RINT1: variants seen among roughly 807,000 people sequenced by gnomAD.
RINT1 encodes RAD50 interactor 1.
In RINT1, 75 loss-of-function variants were observed where a neutral mutation model predicts 97.7. The ratio of observed to expected loss-of-function variants is 0.77; its 90% CI spans 0.64 to 0.93. RINT1 has a LOEUF of 0.93. Among genes scored for constraint, RINT1 ranks in the 40% least tolerant of loss-of-function variants. RINT1 has a pLI of 0.00. For missense variants in RINT1, 892 were observed against 925.2 expected (o/e 0.96, Z 0.47); for synonymous variants, 303 against 326.3 (o/e 0.93, Z 0.77).
chr7:105,550,561 T>C, intron 9 of RINT1, 75 bp downstream of exon 9: 1 of 1,119,288 alleles, frequency 8.9e-7, no homozygotes, highest in Non-Finnish European at 1.3e-6. Flanking sequence ...ATTTTTCTTC[T>C]CCAGTTCTAA....
In RINT1 at chr7:105,565,562, A is replaced by T; in HGVS notation, c.2100A>T (p.Gly700=). 6.2e-7 allele frequency: 1 copy of T among 1,613,848 alleles called. No individual in the cohort carries two copies. Among genetic ancestry groups the T allele is most frequent in the Middle Eastern group, 1.7e-4 (1 of 6,048 alleles). Reference sequence around the variant, plus strand: ...TTGCTAATCACTTCAATGAAGGAGGAGCAGCCCAGCTGCAGTTTGATATGA... The same window carrying T: ...TTGCTAATCACTTCAATGAAGGAGGTGCAGCCCAGCTGCAGTTTGATATGA... ...IILANHFNEG[G]AAQLQFDMTR... The change falls in exon 14 of 15, where the codon GGA becomes GGT. Residue 700 remains glycine (G), a synonymous_variant. Transcript: ENST00000257700.
chr7:105,558,480 A>G (rs1252716072), intron 11 of RINT1, among the ~76,000 whole-genome samples: 2 of 152,146 alleles, frequency 1.3e-5, no homozygotes, highest in East Asian at 1.9e-4. Flanking sequence ...TTTTTCTTCA[A>G]TGAAATTATT....
intron 3 of RINT1, 191 bp from the exon 4 acceptor site, chr7:105,542,217 C>T (rs1382705041): frequency 1.8e-6 from 1 of 559,834 alleles, no homozygotes; most frequent in Non-Finnish European, 3.1e-6. Flanking sequence ...TATGTGTAGT[C>T]CCAACTACTG....
At chr7:105,543,033 C>T (rs1053604005) in intron 4 of RINT1, among the ~76,000 whole-genome samples, 2 of 151,788 alleles carry the variant, frequency 1.3e-5, no homozygotes, top group African/African-American at 4.8e-5. Flanking sequence ...TACAGGCGCC[C>T]GCCACCATGC....
At chr7:105,541,223 A>G (rs538375900) in intron 3 of RINT1, among the ~76,000 whole-genome samples, 4 of 150,566 alleles carry the variant, frequency 2.7e-5, no homozygotes, top group East Asian at 2.0e-4. Context: ...GCTCACTGCA[A>G]CCTCCTCCCG....
chr7:105,554,990 A>C, intron 10 of RINT1, 38 bp from the exon 11 acceptor site: 2 of 1,541,122 alleles, frequency 1.3e-6, no homozygotes, highest in Non-Finnish European at 1.8e-6. Flanking sequence ...CATAGATGGT[A>C]CCAAAACCTT....
Position 105,536,609 on chromosome 7 carries a change from G to C in RINT1, c.133G>C (p.Glu45Gln), listed in dbSNP as rs1382184435. ...TVLIGSKQVS[E>Q]GTDNGDLPSY... ...TCTTATTGGAAGTAAACAAGTCAGT[G>C]AAGGTACAGATAATGGTGATCTCCC... The change falls in exon 3 of 15, where the codon GAA (glutamate) becomes CAA (glutamine). Residue 45 changes from glutamate to glutamine, a missense_variant. Glu to Gln is a conservative substitution (Grantham distance 29). Coordinates refer to ENST00000257700, the MANE Select transcript of RINT1 (RefSeq NM_021930.6). The C allele has an allele frequency of 6.2e-7, 1 of 1,607,658 alleles. No individual in the cohort carries two copies. The highest frequency in any genetic ancestry group is 1.3e-5 in the African/African-American group (1 of 74,788).
intron 11 of RINT1, among the ~76,000 whole-genome samples, chr7:105,559,769 A>C (rs1053634471): frequency 2.6e-5 from 4 of 152,184 alleles, no homozygotes; most frequent in Non-Finnish European, 4.4e-5. Context: ...TCTTAACCTC[A>C]AACATTCTTT....
rs1440865817 is a variant in RINT1, at chr7:105,542,432, C to A, written c.298C>A (p.Pro100Thr). The A allele has an allele frequency of 6.2e-7, 1 of 1,608,838 alleles. No homozygotes were observed. Among genetic ancestry groups the A allele is most frequent in the South Asian group, 1.1e-5 (1 of 90,738 alleles). ...EQVLTISSEI[P>T]KRIRSALKNA... ...GGTACTTACAATTTCATCAGAAATT[C>A]CTAAAAGAATTCGAAGTGCCTTAAA... The change falls in exon 4 of 15, where the codon CCT becomes ACT. Residue 100 changes from proline (P) to threonine (T), a missense_variant. Pro to Thr is a conservative substitution (Grantham distance 38, BLOSUM62 -1). Coordinates refer to ENST00000257700, the MANE Select transcript of RINT1 (RefSeq NM_021930.6).
chr7:105,532,765 T>C, intron 1 of RINT1, 59 bp from the exon 2 acceptor site: 8 of 1,574,550 alleles, frequency 5.1e-6, no homozygotes, highest in Non-Finnish European at 7.0e-6. Flanking sequence ...GGGAGCCCCG[T>C]ATGCTTTCCA....
chr7:105,564,246 C>G (rs1459823914), intron 12 of RINT1, among the ~76,000 whole-genome samples: 1 of 152,110 alleles, frequency 6.6e-6, no homozygotes, highest in Non-Finnish European at 1.5e-5. Context: ...CACCACCACA[C>G]AAGGCTAATT....
chr7:105,547,618 C>T (rs561216677), intron 6 of RINT1, among the ~76,000 whole-genome samples: 1 of 151,812 alleles, frequency 6.6e-6, no homozygotes, highest in South Asian at 2.1e-4. Flanking sequence ...TGGGAGGAAA[C>T]CTTTAGTGTC....
chr7:105,536,580 C>T lies in RINT1; in HGVS notation c.104C>T (p.Thr35Ile), dbSNP rs1355417148. Residue 35 changes from threonine to isoleucine, a missense_variant, in exon 3 of 15, where the codon ACA (threonine) becomes ATA (isoleucine). Physicochemically the swap from Thr to Ile is moderately conservative, Grantham distance 89. Coordinates refer to ENST00000257700, the MANE Select transcript of RINT1 (RefSeq NM_021930.6). Reference protein sequence around the residue: ...NLEEKSDINVTVLIGSKQVSE... With the variant: ...NLEEKSDINVIVLIGSKQVSE... ...TTTGTTGTAGGTGACATAAATGTTACAGTTCTTATTGGAAGTAAACAAGTC... is the reference window on the plus strand; with the variant it reads ...TTTGTTGTAGGTGACATAAATGTTATAGTTCTTATTGGAAGTAAACAAGTC... 1.3e-6 allele frequency: 2 copies of T among 1,595,928 alleles called. No homozygotes were observed. Among genetic ancestry groups the T allele is most frequent in the Non-Finnish European group, 1.7e-6 (2 of 1,170,922 alleles).
intron 2 of RINT1, among the ~76,000 whole-genome samples, chr7:105,533,961 T>C (rs867613194): frequency 6.6e-6 from 1 of 152,092 alleles, no homozygotes; most frequent in African/African-American, 2.4e-5. Context: ...TTACAAAAAA[T>C]AGAAAAGGAG....
At chr7:105,535,683 A>G in intron 2 of RINT1, 1 of 418,264 alleles carries the variant, frequency 2.4e-6, no homozygotes, top group Non-Finnish European at 4.7e-6. Context: ...AGCCCACCTG[A>G]GACTACAGGT....
chr7:105,536,826 A>G (rs1481604070), intron 3 of RINT1, 77 bp downstream of exon 3: 4 of 838,264 alleles, frequency 4.8e-6, no homozygotes, highest in Admixed American at 3.6e-5. Context: ...TCTATTATAT[A>G]TAGAATTTTA....
intron 12 of RINT1, among the ~76,000 whole-genome samples, chr7:105,564,955 C>G (rs1458679499): frequency 6.6e-6 from 1 of 151,912 alleles, no homozygotes; most frequent in Non-Finnish European, 1.5e-5. Context: ...CAGAGCGAGA[C>G]TCTGTCTCAA....
At position 105,563,788 on chromosome 7, in the gene RINT1, T is replaced by C. The variant is rs766456687; in HGVS notation, c.1727T>C (p.Leu576Pro). The C allele has an allele frequency of 6.2e-7, 1 of 1,614,212 alleles. No individual in the cohort carries two copies. Among genetic ancestry groups the C allele is most frequent in the East Asian group, 2.2e-5 (1 of 44,876 alleles). ...GAGGTGTTTGCAGAGAATAATACTC[T>C]GAGTAAATTGCAGCTAGGACAGCTA... ...ALEVFAENNTLSKLQLGQLAS... is the reference protein window; with the variant it reads ...ALEVFAENNTPSKLQLGQLAS... Residue 576 changes from leucine (L) to proline (P), a missense_variant, in exon 12 of 15, where the codon CTG becomes CCG. Physicochemically the swap from Leu to Pro is moderately conservative, Grantham distance 98. Coordinates refer to ENST00000257700, the MANE Select transcript of RINT1 (RefSeq NM_021930.6).
At chr7:105,561,524 T>C (rs1791437798) in intron 11 of RINT1, among the ~76,000 whole-genome samples, 1 of 152,062 alleles carries the variant, frequency 6.6e-6, no homozygotes, top group African/African-American at 2.4e-5. Flanking sequence ...GAGACTCTTG[T>C]CTCAAAAAAT....
Sources: gnomAD v4.1 joint callset for allele counts (sites outside exome capture counted in the v4.1 genomes callset) on GRCh38, gnomAD v4.1.1 for gene constraint, MANE v1.5 for transcripts, NCBI Gene and HGNC (gene_info 2026-07-23, HGNC 2026-07-21) for gene names.